Variants in RBM38 observed in about 807,000 individuals in gnomAD.
The protein encoded by RBM38 is RNA-binding protein 38.
A neutral mutation model predicts 23.5 loss-of-function variants in RBM38; 11 were observed. That is an observed-to-expected ratio of 0.47 (90% CI 0.29 to 0.77). The LOEUF is 0.77. Ranked by LOEUF, RBM38 falls within the 30% of genes least tolerant of loss-of-function variation. RBM38 has a pLI of 0.08. For missense variants in RBM38, 330 were observed against 351.9 expected, an observed-to-expected ratio of 0.94 and a Z score of 0.50; for synonymous variants, 165 against 166.1, an observed-to-expected ratio of 0.99 and a Z score of 0.05.
intron 3 of RBM38, chr20:57,399,841 G>A (rs1359506842): frequency 6.6e-6 from 3 of 455,548 alleles, no homozygotes; most frequent in African/African-American, 2.0e-5. Flanking sequence ...TAAGAGCTGC[G>A]GTCCGTCTCT....
intron 3 of RBM38, among the ~76,000 whole-genome samples, chr20:57,394,135 C>G (rs2067249714): frequency 6.6e-6 from 1 of 152,184 alleles, no homozygotes. Context: ...GACCACCACC[C>G]CTTTCAGGGC....
At chr20:57,395,232 C>T (rs755064278) in intron 3 of RBM38, among the ~76,000 whole-genome samples, 4 of 151,684 alleles carry the variant, frequency 2.6e-5, no homozygotes, top group Admixed American at 1.3e-4. Flanking sequence ...GGCCTGGGGG[C>T]GGGTGGCAGG....
intron 3 of RBM38, among the ~76,000 whole-genome samples, chr20:57,399,476 A>G (rs1462883885): frequency 1.3e-5 from 2 of 152,178 alleles, no homozygotes; most frequent in South Asian, 4.1e-4. Flanking sequence ...CCTGGGAAAG[A>G]AAGAGGAGTC....
At chr20:57,396,098 G>A (rs780095369) in intron 3 of RBM38, among the ~76,000 whole-genome samples, 1 of 152,208 alleles carries the variant, frequency 6.6e-6, no homozygotes, top group Non-Finnish European at 1.5e-5. Flanking sequence ...GCCTGGCTGG[G>A]TCTTAAATGT....
intron 3 of RBM38, among the ~76,000 whole-genome samples, 162 bp downstream of exon 3, chr20:57,393,495 C>T (rs979552666): frequency 5.9e-5 from 9 of 152,188 alleles, no homozygotes; most frequent in African/African-American, 1.2e-4. Context: ...CTTCTCCATC[C>T]CTGGCAGAGG....
At chr20:57,402,934 A>G (rs1363195089) in intron 3 of RBM38, among the ~76,000 whole-genome samples, 1 of 151,930 alleles carries the variant, frequency 6.6e-6, no homozygotes, top group Admixed American at 6.5e-5. Context: ...CCCCTTCCCC[A>G]TGTGGTTTCT....
chr20:57,398,844 T>G (rs1386720844), intron 3 of RBM38, among the ~76,000 whole-genome samples: 6 of 152,338 alleles, frequency 3.9e-5, no homozygotes, highest in Admixed American at 1.3e-4. Context: ...TTTCCTCGTT[T>G]AGCCTCAGTT....
chr20:57,392,408 T>C, intron 1 of RBM38: 1 of 1,522,516 alleles, frequency 6.6e-7, no homozygotes, highest in Non-Finnish European at 8.8e-7. Flanking sequence ...GGATTATTTT[T>C]GTCCTTGAAG....
chr20:57,397,026 G>A (rs907957567), intron 3 of RBM38, among the ~76,000 whole-genome samples: 10 of 152,184 alleles, frequency 6.6e-5, no homozygotes, highest in African/African-American at 2.4e-4. Context: ...CAGGCTCCTC[G>A]GACTCCGGAG....
intron 3 of RBM38, among the ~76,000 whole-genome samples, chr20:57,393,970 C>T (rs892425746): frequency 1.3e-5 from 2 of 152,036 alleles, no homozygotes; most frequent in Non-Finnish European, 2.9e-5. Flanking sequence ...TCTAGTAAGT[C>T]CTGGCAGCTG....
At chr20:57,402,558 G>C (rs2067339247) in intron 3 of RBM38, among the ~76,000 whole-genome samples, 1 of 152,220 alleles carries the variant, frequency 6.6e-6, no homozygotes, top group Non-Finnish European at 1.5e-5. Context: ...GGACACACTT[G>C]GTGGGTGGGG....
In RBM38 at chr20:57,407,275, A is replaced by G. The variant is rs1348161344; in HGVS notation, c.417-268A>G. On this transcript the variant is annotated intron_variant, in intron 3 of 3. Transcript: ENST00000356208. The surrounding 1 kb of genome is among the most constrained non-coding windows in gnomAD (Gnocchi z 4.0). ...CACCAGCTCCGGGGATGTGGGGTGT[A>G]GGGCTGGGATGCGGGGGTGCAGTCT... Among the ~76,000 whole-genome samples the G allele has an allele frequency of 3.9e-5, 6 of 152,182 alleles. No homozygotes were observed. Among genetic ancestry groups the G allele is most frequent in the African/African-American group, 1.4e-4 (6 of 41,442 alleles).
At chr20:57,405,825 C>A (rs2067377749) in intron 3 of RBM38, among the ~76,000 whole-genome samples, 1 of 152,012 alleles carries the variant, frequency 6.6e-6, no homozygotes, top group Admixed American at 6.5e-5. Flanking sequence ...TCGCAGGGCT[C>A]CTCTCTGACA....
At position 57,407,507 on chromosome 20, in the gene RBM38, C is replaced by T. The variant is rs779176055; in HGVS notation, c.417-36C>T. On this transcript the variant is annotated intron_variant, in intron 3 of 3. Coordinates refer to ENST00000356208, the MANE Select transcript of RBM38 (RefSeq NM_017495.6). The surrounding 1 kb of genome is among the most constrained non-coding windows in gnomAD (Gnocchi z 4.0). ...TTCTCCCAGCTGTATTCCCCAACTCCGTTCTGGCCCTAACCTGCTCTGCTT... is the reference window on the plus strand; with the variant it reads ...TTCTCCCAGCTGTATTCCCCAACTCTGTTCTGGCCCTAACCTGCTCTGCTT... 35 of 1,599,856 alleles carry T rather than the reference C, an allele frequency of 2.2e-5. No individual in the cohort carries two copies. The highest frequency in any genetic ancestry group is 2.6e-5 in the Non-Finnish European group (31 of 1,170,078).
intron 1 of RBM38, among the ~76,000 whole-genome samples, 182 bp downstream of exon 1, chr20:57,392,000 C>A (rs1242370093): frequency 8.2e-6 from 1 of 122,200 alleles, no homozygotes; most frequent in African/African-American, 3.0e-5. Flanking sequence ...GCCCCCACCA[C>A]CCCAGGCCCC....
chr20:57,398,407 G>C (rs978782555), intron 3 of RBM38, among the ~76,000 whole-genome samples: 1 of 152,188 alleles, frequency 6.6e-6, no homozygotes, highest in South Asian at 2.1e-4. Flanking sequence ...TCGCCGTGGC[G>C]GGCACAGGGT....
chr20:57,399,973 G>C (rs2067311296), intron 3 of RBM38: 1 of 456,206 alleles, frequency 2.2e-6, no homozygotes, highest in Non-Finnish European at 4.4e-6. Flanking sequence ...GCCGTGGTCA[G>C]TTCTTTTCGC....
At chr20:57,400,546 C>T (rs1407459281) in intron 3 of RBM38, among the ~76,000 whole-genome samples, 1 of 152,204 alleles carries the variant, frequency 6.6e-6, no homozygotes, top group Non-Finnish European at 1.5e-5. Context: ...AGCAGAGAAC[C>T]CCTGAGTCAT....
At chr20:57,399,717 C>T (rs1600751768) in intron 3 of RBM38, among the ~76,000 whole-genome samples, 2 of 152,190 alleles carry the variant, frequency 1.3e-5, no homozygotes, top group Non-Finnish European at 2.9e-5. Flanking sequence ...ACCTCCCGGC[C>T]CTCCCCCTCA....
Sources: gnomAD v4.1 joint callset for allele counts (sites outside exome capture counted in the v4.1 genomes callset) on GRCh38, gnomAD v4.1.1 for gene constraint, Gnocchi (gnomAD v3.1) non-coding constraint, MANE v1.5 for transcripts, NCBI Gene and HGNC (gene_info 2026-07-23, HGNC 2026-07-21) for gene names.